Variants in FXN observed in about 807,000 individuals in gnomAD.
The protein encoded by FXN is frataxin.
FXN carries 14 observed loss-of-function variants against 22.4 expected under a neutral mutation model. The ratio of observed to expected loss-of-function variants is 0.62; its 90% CI spans 0.41 to 0.98. The LOEUF (loss-of-function observed/expected upper bound fraction) is 0.98, where lower values mean the gene tolerates loss of function less well. FXN is among the 50% of genes least tolerant of loss of function. The pLI is 0.00. For synonymous variants in FXN, 120 were observed against 114.1 expected (o/e 1.05, Z -0.33); for missense variants, 267 against 268.4 (o/e 0.99, Z 0.04).
chr9:69,043,583 T>TA (rs1831695065), intron 1 of FXN: 1 of 152,026 alleles, frequency 6.6e-6, no homozygotes, highest in South Asian at 2.1e-4. Context: ...CACACCCAGA[T>TA]AATGTTTTTG....
At chr9:69,046,543 T>C in intron 2 of FXN, 61 bp downstream of exon 2, 1 of 1,189,140 alleles carries the variant, frequency 8.4e-7, no homozygotes, top group Non-Finnish European at 1.2e-6. Context: ...GCCTCTCCCA[T>C]TAGAACCTGG....
Position 69,078,941 on chromosome 9 carries a change from T to A in FXN, c.*6179T>A, listed in dbSNP as rs1008438820. ...CCTTCCATGAGGCTAGGACTATGTGTCTCCTTTGTTGACTGCTGTTGCCCT... is the reference window on the plus strand; with the variant it reads ...CCTTCCATGAGGCTAGGACTATGTGACTCCTTTGTTGACTGCTGTTGCCCT... On this transcript the variant is annotated 3_prime_UTR_variant, in exon 5 of 5. Coordinates refer to ENST00000484259, the MANE Select transcript of FXN (RefSeq NM_000144.5). 6.3e-6 allele frequency: 6 copies of A among 950,684 alleles called. No homozygotes were observed. Among genetic ancestry groups the A allele is most frequent in the Non-Finnish European group, 7.5e-6 (6 of 798,546 alleles). The allele number at this position is 950,684 out of a possible 1,614,324, so 58.9% of individuals were successfully genotyped here.
At chr9:69,056,147 G>A (rs1984005) in intron 3 of FXN, among the ~76,000 whole-genome samples, 151,615 of 152,306 alleles carry the variant, frequency 1, 75,466 homozygotes, top group Middle Eastern at 1. Flanking sequence ...CCAAAGCACC[G>A]GGATTACAGG....
At position 69,073,664 on chromosome 9, in the gene FXN, C is replaced by A. The variant is rs543899294; in HGVS notation, c.*902C>A. 2 of 985,330 alleles carry A rather than the reference C, an allele frequency of 2.0e-6. No homozygotes were observed. Among genetic ancestry groups the A allele is most frequent in the African/African-American group, 3.5e-5 (2 of 57,322 alleles). 61.0% of individuals were successfully genotyped at this position (985,330 alleles called of 1,614,324 possible). On this transcript the variant is annotated 3_prime_UTR_variant, in exon 5 of 5. Coordinates refer to ENST00000484259, the MANE Select transcript of FXN (RefSeq NM_000144.5). ...CACAAAGTAGTTGTCCCTTTGTGGACAAGTTTCCCAAATTCCCTGGACCTC... is the reference window on the plus strand; with the variant it reads ...CACAAAGTAGTTGTCCCTTTGTGGAAAAGTTTCCCAAATTCCCTGGACCTC...
chr9:69,077,231 T>C lies in FXN; in HGVS notation c.*4469T>C. 1 of 985,408 alleles carries C rather than the reference T, an allele frequency of 1.0e-6. No individual in the cohort carries two copies. The highest frequency in any genetic ancestry group is 1.2e-6 in the Non-Finnish European group (1 of 829,934). The allele number at this position is 985,408 out of a possible 1,614,324, so 61.0% of individuals were successfully genotyped here. On this transcript the variant is annotated 3_prime_UTR_variant, in exon 5 of 5. Transcript: ENST00000484259. ...CCAGCCAGAAATGCCTTCTAATCTT[T>C]GGTTTATCTTAATTAGCCAGGACAC...
In FXN at chr9:69,074,337, A is replaced by C; in HGVS notation, c.*1575A>C. The C allele has an allele frequency of 3.0e-6, 3 of 985,282 alleles. No homozygotes were observed. The highest frequency in any genetic ancestry group is 3.6e-6 in the Non-Finnish European group (3 of 829,896). The allele number at this position is 985,282 out of a possible 1,614,324, so 61.0% of individuals were successfully genotyped here. A position where few individuals can be genotyped will look rare whatever the true frequency, so the allele number is the denominator to read the frequency against. ...CTCCAGGACATTAAAATTCATGCAAAGTTATGCTCATGTTATATTATTTTC... is the reference window on the plus strand; with the variant it reads ...CTCCAGGACATTAAAATTCATGCAACGTTATGCTCATGTTATATTATTTTC... On this transcript the variant is annotated 3_prime_UTR_variant, in exon 5 of 5. Transcript: ENST00000484259.
intron 4 of FXN, among the ~76,000 whole-genome samples, chr9:69,068,012 GA>G (rs1173515865): frequency 6.6e-6 from 1 of 152,072 alleles, no homozygotes; most frequent in Non-Finnish European, 1.5e-5. Context: ...CAGAGATGAA[GA>G]AAACACAGTC....
chr9:69,071,356 C>G (rs1342802661), intron 4 of FXN: 1 of 508,850 alleles, frequency 2.0e-6, no homozygotes, highest in Non-Finnish European at 3.9e-6. Flanking sequence ...ATTGCCCAAG[C>G]TTCCCTTCCT....
chr9:69,061,796 G>T (rs1319252181), intron 3 of FXN, among the ~76,000 whole-genome samples: 1 of 151,740 alleles, frequency 6.6e-6, no homozygotes, highest in African/African-American at 2.4e-5. Context: ...TTGTTCTTGC[G>T]ATAGTTTACT....
At chr9:69,059,631 C>G (rs921208885) in intron 3 of FXN, among the ~76,000 whole-genome samples, 1 of 151,804 alleles carries the variant, frequency 6.6e-6, no homozygotes, top group Non-Finnish European at 1.5e-5. Context: ...GTCTTGAACT[C>G]TTGACCTCAA....
intron 4 of FXN, among the ~76,000 whole-genome samples, chr9:69,065,795 TGACC>T (rs1832157482): frequency 1.3e-5 from 2 of 152,254 alleles, no homozygotes; most frequent in Non-Finnish European, 2.9e-5. Context: ...AAGCTACTTT[TGACC>T]TTGTAGCGTT....
rs567546733 is a variant in FXN at position 69,052,879 on chromosome 9, G to T, written c.264-261G>T. 2.1e-3 allele frequency among the ~76,000 whole-genome samples: 314 copies of T among 150,934 alleles called. 2 individuals carry two copies. The highest frequency in any genetic ancestry group is 3.6e-3 in the Non-Finnish European group (245 of 67,818). On this transcript the variant is annotated intron_variant, in intron 2 of 4. Transcript: ENST00000484259. ...CTTTGGGCCGGGCACGGTGCCTTACGCCTGTAATCCTAACATTTCGAGAAG... is the reference window on the plus strand; with the variant it reads ...CTTTGGGCCGGGCACGGTGCCTTACTCCTGTAATCCTAACATTTCGAGAAG...
chr9:69,061,365 A>C lies in FXN; in HGVS notation c.385-3573A>C, dbSNP rs553333072. ...GGCAGACAGGCGCCGCTCATCAGTG[A>C]TGAGACCAGACCTGGAACTCGCGTC... On this transcript the variant is annotated intron_variant, in intron 3 of 4. Transcript: ENST00000484259. Among the ~76,000 whole-genome samples, 146 of 152,190 alleles carry C rather than the reference A, an allele frequency of 9.6e-4. 4 individuals are homozygous for C. In the South Asian group the frequency reaches 0.029, roughly 31 times the overall value.
At chr9:69,067,730 A>AG (rs1832197173) in intron 4 of FXN, among the ~76,000 whole-genome samples, 1 of 152,248 alleles carries the variant, frequency 6.6e-6, no homozygotes, top group Non-Finnish European at 1.5e-5. Flanking sequence ...TACCACCCTC[A>AG]TAGCCAGATC....
chr9:69,042,340 G>C (rs538987582), intron 1 of FXN, among the ~76,000 whole-genome samples: 1 of 152,022 alleles, frequency 6.6e-6, no homozygotes, highest in Non-Finnish European at 1.5e-5. Flanking sequence ...GGCAGAGGCG[G>C]AAGTTTGCCT....
chr9:69,063,012 A>G (rs1832104021), intron 3 of FXN, among the ~76,000 whole-genome samples: 1 of 152,180 alleles, frequency 6.6e-6, no homozygotes, highest in African/African-American at 2.4e-5. Flanking sequence ...AGCCTGGTCA[A>G]TATAGCGAGA....
At chr9:69,069,060 T>C (rs1358175008) in intron 4 of FXN, among the ~76,000 whole-genome samples, 2 of 152,144 alleles carry the variant, frequency 1.3e-5, no homozygotes, top group African/African-American at 4.8e-5. Flanking sequence ...ACAGAAGCAA[T>C]GCTTGCAGGC....
chr9:69,047,291 C>T (rs1831772529), intron 2 of FXN, among the ~76,000 whole-genome samples: 1 of 152,000 alleles, frequency 6.6e-6, no homozygotes, highest in Non-Finnish European at 1.5e-5. Flanking sequence ...AGTCTCCTCT[C>T]TCCCAGCTTT....
intron 3 of FXN, among the ~76,000 whole-genome samples, chr9:69,060,910 G>C (rs1426355086): frequency 6.6e-6 from 1 of 152,212 alleles, no homozygotes; most frequent in Non-Finnish European, 1.5e-5. Flanking sequence ...GCTTAAAGTA[G>C]TGGAGGTCAG....
Sources: gnomAD v4.1 joint callset for allele counts (sites outside exome capture counted in the v4.1 genomes callset) on GRCh38, gnomAD v4.1.1 for gene constraint, MANE v1.5 for transcripts, NCBI Gene and HGNC (gene_info 2026-07-23, HGNC 2026-07-21) for gene names.